AGO2: variants seen among roughly 807,000 people sequenced by gnomAD.
The protein encoded by AGO2 is protein argonaute-2.
A neutral mutation model predicts 102.3 loss-of-function variants in AGO2; 5 were observed. The observed-to-expected ratio is 0.05, with a 90% CI of 0.03 to 0.10. The LOEUF (loss-of-function observed/expected upper bound fraction) is 0.10, where lower values mean the gene tolerates loss of function less well. AGO2 is among the 10% of genes least tolerant of loss of function. The pLI, the probability that AGO2 is intolerant of heterozygous loss-of-function variation, is 1.00. For synonymous variants in AGO2, 449 were observed against 473.1 expected (o/e 0.95, Z 0.66); for missense variants, 541 against 1,183.7 (o/e 0.46, Z 7.97).
intron 1 of AGO2, among the ~76,000 whole-genome samples, chr8:140,630,653 C>T (rs932324504): frequency 4.6e-5 from 7 of 152,196 alleles, no homozygotes; most frequent in South Asian, 4.1e-4. Context: ...AAGAGGGAGC[C>T]ATTCCCAACC....
chr8:140,543,285 G>A (rs1212430398), intron 14 of AGO2, among the ~76,000 whole-genome samples: 1 of 152,188 alleles, frequency 6.6e-6, no homozygotes, highest in African/African-American at 2.4e-5. Context: ...CAAGTGGCAA[G>A]AATTAGTTGA....
intron 4 of AGO2, 90 bp from the exon 5 acceptor site, chr8:140,560,600 A>G: frequency 2.1e-6 from 3 of 1,454,482 alleles, no homozygotes; most frequent in Non-Finnish European, 2.8e-6. Flanking sequence ...TGCGCCCACC[A>G]CACCCTCATC....
At chr8:140,572,519 G>A (rs960650436) in intron 3 of AGO2, 10 of 254,212 alleles carry the variant, frequency 3.9e-5, no homozygotes, top group Middle Eastern at 1.3e-3. Context: ...CTTGTCTGGC[G>A]GTGGTTTGTG....
At chr8:140,632,409 GGA>G (rs1457974197) in intron 1 of AGO2, among the ~76,000 whole-genome samples, 5 of 152,238 alleles carry the variant, frequency 3.3e-5, no homozygotes, top group Non-Finnish European at 7.3e-5. Context: ...GAGGGAAGGG[GGA>G]GAGGGGGCAG....
intron 17 of AGO2, among the ~76,000 whole-genome samples, chr8:140,533,929 CCAGCTGCTGACTG>C (rs1235578281): frequency 6.6e-6 from 1 of 152,192 alleles, no homozygotes; most frequent in Admixed American, 6.5e-5. Flanking sequence ...GAAAGCAGCA[CCAGCTGCTGACTG>C]CAGGCCTCTC....
chr8:140,576,058 C>T (rs940437732), intron 2 of AGO2, among the ~76,000 whole-genome samples: 2 of 152,174 alleles, frequency 1.3e-5, no homozygotes, highest in Non-Finnish European at 2.9e-5. Context: ...GTGGCTCACG[C>T]CTATAATCTC....
chr8:140,593,939 G>A (rs995022709), intron 1 of AGO2, among the ~76,000 whole-genome samples: 3 of 152,178 alleles, frequency 2.0e-5, no homozygotes, highest in African/African-American at 4.8e-5. Context: ...AACCAAATGC[G>A]TGACAATCCA....
chr8:140,633,436 C>T (rs2074365409), intron 1 of AGO2, among the ~76,000 whole-genome samples: 1 of 152,134 alleles, frequency 6.6e-6, no homozygotes, highest in Non-Finnish European at 1.5e-5. Context: ...CTGTCCTGTT[C>T]CAGAGGGTCC....
intron 2 of AGO2, among the ~76,000 whole-genome samples, chr8:140,575,078 A>G (rs997102969): frequency 6.6e-6 from 1 of 152,132 alleles, no homozygotes; most frequent in African/African-American, 2.4e-5. Flanking sequence ...GCAGATGCCC[A>G]GAGCCTCTCA....
Position 140,540,687 on chromosome 8 carries a change from G to A in AGO2, c.2034+477C>T, listed in dbSNP as rs372300504. Among the ~76,000 whole-genome samples, 80 of 152,264 alleles carry A rather than the reference G, an allele frequency of 5.3e-4. No individual in the cohort carries two copies. The highest frequency in any genetic ancestry group is 1.7e-3 in the African/African-American group (70 of 41,572). ...CTCTCTACATCCAGACAGTGGCCGCGTCCTGGCGACCCTACCTTCAACAGA... is the reference window on the plus strand; with the variant it reads ...CTCTCTACATCCAGACAGTGGCCGCATCCTGGCGACCCTACCTTCAACAGA... On this transcript the variant is annotated intron_variant, in intron 15 of 18. Coordinates refer to ENST00000220592, the MANE Select transcript of AGO2 (RefSeq NM_012154.5). The surrounding 1 kb of genome is among the most constrained non-coding windows in gnomAD (Gnocchi z 5.0).
chr8:140,618,120 G>A (rs55879311), intron 1 of AGO2, among the ~76,000 whole-genome samples: 23,608 of 151,966 alleles, frequency 0.16, 2,444 homozygotes, highest in Admixed American at 0.3. Context: ...TGGCCAACAC[G>A]GTGAAACCCT....
intron 13 of AGO2, among the ~76,000 whole-genome samples, chr8:140,544,904 A>G (rs993772771): frequency 6.6e-6 from 1 of 152,194 alleles, no homozygotes; most frequent in Non-Finnish European, 1.5e-5. Flanking sequence ...GCACAGGGGC[A>G]AGGACAGGCA....
chr8:140,532,175 G>C, intron 18 of AGO2, 23 bp from the exon 19 acceptor site: 4 of 1,587,002 alleles, frequency 2.5e-6, no homozygotes, highest in Non-Finnish European at 3.5e-6. Flanking sequence ...GAGAGAGAGA[G>C]AATGAGAATG....
chr8:140,619,343 T>A (rs1307728369), intron 1 of AGO2, among the ~76,000 whole-genome samples: 1 of 152,170 alleles, frequency 6.6e-6, no homozygotes, highest in African/African-American at 2.4e-5. Context: ...GGACCACTAA[T>A]GACCATCCAC....
At chr8:140,542,714 C>A (rs559526311) in intron 14 of AGO2, among the ~76,000 whole-genome samples, 17 of 152,224 alleles carry the variant, frequency 1.1e-4, no homozygotes, top group Non-Finnish European at 2.1e-4. Context: ...CGCTGTGCTG[C>A]GGGCTTTCCC....
At chr8:140,607,497 TATATATATATATATATATACAC>T (rs2074018172) in intron 1 of AGO2, among the ~76,000 whole-genome samples, 1 of 11,294 alleles carries the variant, frequency 8.9e-5, no homozygotes, top group African/African-American at 3.2e-4. Context: ...TATATATATA[TATATATATATATATATATACAC>T]ACACACACAC....
chr8:140,595,893 ATATATTATG>A (rs2073830331), intron 1 of AGO2, among the ~76,000 whole-genome samples: 2 of 120,856 alleles, frequency 1.7e-5, no homozygotes, highest in Non-Finnish European at 3.3e-5. Flanking sequence ...ATATAATTAT[ATATATTATG>A]TATTATATAA....
chr8:140,576,695 A>C (rs369404196), intron 2 of AGO2, among the ~76,000 whole-genome samples: 9 of 152,346 alleles, frequency 5.9e-5, no homozygotes, highest in East Asian at 5.8e-4. Flanking sequence ...GTGTGGTTTC[A>C]GTGTCTATTT....
chr8:140,611,762 G>C (rs1350706459), intron 1 of AGO2, among the ~76,000 whole-genome samples: 1 of 152,164 alleles, frequency 6.6e-6, no homozygotes, highest in Admixed American at 6.5e-5. Context: ...ACCTCGAGTA[G>C]GGTGCCGGGC....
Sources: allele counts gnomAD v4.1 joint callset (sites outside exome capture counted in the v4.1 genomes callset), GRCh38; gene constraint gnomAD v4.1.1; non-coding constraint Gnocchi (gnomAD v3.1); transcripts MANE v1.5; gene names NCBI Gene and HGNC (gene_info 2026-07-23, HGNC 2026-07-21).